The following KRABD2 variants were observed in gnomAD, a reference collection of about 807,000 sequenced individuals.
KRABD2 encodes KRAB domain-containing protein 2.
the KRABD2 span, among the ~76,000 whole-genome samples, chr17:8,372,512 G>A: frequency 6.6e-6 from 1 of 152,058 alleles, no homozygotes; most frequent in Non-Finnish European, 1.5e-5. This position sits in a 1 kb window ranked among gnomAD's most constrained non-coding sequence, Gnocchi z 4.1. Context: ...GCTGGTCCTC[G>A]AACTTCTAGC....
At chr17:8,360,160 A>G in the KRABD2 span, among the ~76,000 whole-genome samples, 1 of 152,214 alleles carries the variant, frequency 6.6e-6, no homozygotes, top group Non-Finnish European at 1.5e-5. Context: ...AACAGAAAGG[A>G]TGTAGCAATT....
At chr17:8,361,430 T>G in the KRABD2 span, among the ~76,000 whole-genome samples, 1 of 152,216 alleles carries the variant, frequency 6.6e-6, no homozygotes, top group East Asian at 1.9e-4. Flanking sequence ...GGCCTGAGTT[T>G]CTTCCTGCCA....
At chr17:8,369,286 C>G in the KRABD2 span, 2 of 1,614,256 alleles carry the variant, frequency 1.2e-6, no homozygotes, top group African/African-American at 2.7e-5. Flanking sequence ...AGCTGTTCTT[C>G]AGCAATTTCT....
At chr17:8,359,482 A>T in the KRABD2 span, 1 of 418,738 alleles carries the variant, frequency 2.4e-6, no homozygotes, top group South Asian at 1.7e-5. Context: ...TTCTGCATTT[A>T]GCAGTCTCTT....
At chr17:8,359,593 T>A in the KRABD2 span, 1 of 455,514 alleles carries the variant, frequency 2.2e-6, no homozygotes, top group South Asian at 1.5e-5. Flanking sequence ...GAGAAGGGGG[T>A]AGGTAAGGAG....
At chr17:8,360,557 A>G in the KRABD2 span, among the ~76,000 whole-genome samples, 1 of 152,172 alleles carries the variant, frequency 6.6e-6, no homozygotes, top group African/African-American at 2.4e-5. Flanking sequence ...CAAATTCAGT[A>G]AGTTCAAAGG....
chr17:8,360,262 ACT>A, the KRABD2 span, among the ~76,000 whole-genome samples: 1 of 151,964 alleles, frequency 6.6e-6, no homozygotes, highest in Non-Finnish European at 1.5e-5. Context: ...GAAAAGGGAA[ACT>A]CTAACTAGAT....
the KRABD2 span, among the ~76,000 whole-genome samples, chr17:8,363,983 C>T: frequency 6.6e-6 from 1 of 151,364 alleles, no homozygotes; most frequent in Non-Finnish European, 1.5e-5. Context: ...ATTCTCCTGC[C>T]TCAGCCTCCT....
chr17:8,364,636 G>A, the KRABD2 span, among the ~76,000 whole-genome samples: 18 of 152,134 alleles, frequency 1.2e-4, no homozygotes, highest in African/African-American at 3.9e-4. The surrounding 1 kb of genome is among the most constrained non-coding windows in gnomAD (Gnocchi z 4.4). Context: ...CAGAAATTGT[G>A]GACCCACTGT....
the KRABD2 span, among the ~76,000 whole-genome samples, chr17:8,365,099 G>A: frequency 6.6e-6 from 1 of 152,116 alleles, no homozygotes; most frequent in Admixed American, 6.5e-5. Flanking sequence ...CTAGCCTGTG[G>A]CACACCGGTT....
At chr17:8,363,338 A>G in the KRABD2 span, among the ~76,000 whole-genome samples, 8 of 152,136 alleles carry the variant, frequency 5.3e-5, no homozygotes, top group Non-Finnish European at 8.8e-5. Flanking sequence ...AAAGAAAATC[A>G]TAACAGATTT....
chr17:8,376,153 G>A, the KRABD2 span: 1 of 1,231,516 alleles, frequency 8.1e-7, no homozygotes, highest in South Asian at 4.1e-5. Context: ...CCCTTTGGAG[G>A]GCCCACGAAT....
the KRABD2 span, chr17:8,376,643 G>A: frequency 3.0e-6 from 3 of 985,574 alleles, no homozygotes; most frequent in Non-Finnish European, 3.6e-6. Flanking sequence ...GAAGGAGAAA[G>A]GGACACACCA....
At chr17:8,374,501 G>T in the KRABD2 span, among the ~76,000 whole-genome samples, 52 of 151,970 alleles carry the variant, frequency 3.4e-4, 1 homozygote, top group South Asian at 0.011. Context: ...AGGCCGCAGG[G>T]TCCTCTGCCT....
chr17:8,370,072 GT>G, the KRABD2 span: 22 of 1,613,866 alleles, frequency 1.4e-5, no homozygotes, highest in Non-Finnish European at 1.8e-5. Flanking sequence ...ATTCGATCAC[GT>G]TCTCCATGAG....
chr17:8,368,411 A>C, the KRABD2 span, among the ~76,000 whole-genome samples: 13 of 152,238 alleles, frequency 8.5e-5, no homozygotes, highest in East Asian at 2.5e-3. Context: ...TGGCCTTCTC[A>C]GGGGAGAAGG....
chr17:8,365,527 T>A, the KRABD2 span: 1 of 152,206 alleles, frequency 6.6e-6, no homozygotes, highest in South Asian at 2.1e-4. Flanking sequence ...TCCTATGTAA[T>A]AATAATGTGG....
the KRABD2 span, chr17:8,365,568 C>A: frequency 6.6e-6 from 1 of 152,312 alleles, no homozygotes; most frequent in South Asian, 2.1e-4. Context: ...CTTAACACTG[C>A]AGAATCTGAA....
the KRABD2 span, chr17:8,376,465 T>G: frequency 9.8e-7 from 1 of 1,017,612 alleles, no homozygotes; most frequent in Non-Finnish European, 1.2e-6. Flanking sequence ...CGCCCGCTTA[T>G]TCCTGAGGAC....
Sources: allele counts gnomAD v4.1 joint callset (sites outside exome capture counted in the v4.1 genomes callset), GRCh38; gene constraint gnomAD v4.1.1; non-coding constraint Gnocchi (gnomAD v3.1); transcripts MANE v1.5; gene names NCBI Gene and HGNC (gene_info 2026-07-23, HGNC 2026-07-21).